PDLIM5: variants seen among roughly 807,000 people sequenced by gnomAD.
PDLIM5 encodes the protein PDZ and LIM domain protein 5.
In PDLIM5, 34 loss-of-function variants were observed where a neutral mutation model predicts 64.2. The ratio of observed to expected loss-of-function variants is 0.53; its 90% CI spans 0.40 to 0.71. The LOEUF (loss-of-function observed/expected upper bound fraction) is 0.71. PDLIM5 is among the 30% of genes least tolerant of loss of function. The pLI is 0.00. For synonymous variants in PDLIM5, 253 were observed against 269.1 expected, an observed-to-expected ratio of 0.94 and a Z score of 0.59; for missense variants, 683 against 733.6, an observed-to-expected ratio of 0.93 and a Z score of 0.80.
chr4:94,475,091 T>G (rs1311061020), intron 2 of PDLIM5, among the ~76,000 whole-genome samples: 1 of 152,172 alleles, frequency 6.6e-6, no homozygotes, highest in Non-Finnish European at 1.5e-5. Context: ...ACTGAAAAGT[T>G]TTATAATCAA....
At position 94,479,491 on chromosome 4, in the gene PDLIM5, C is replaced by A. The variant is rs144465747; in HGVS notation, c.96+24107C>A. ...TACAGGCAAGTGCCACCATGCCCGG[C>A]TGATTTTTATTTTTTTTTTTGTAGA... On this transcript the variant is annotated intron_variant, in intron 2 of 12. Transcript: ENST00000317968. Among the ~76,000 whole-genome samples, 1,101 of 151,332 alleles carry A rather than the reference C, an allele frequency of 7.3e-3. 8 individuals carry two copies. The highest frequency in any genetic ancestry group is 0.011 in the Non-Finnish European group (774 of 67,864).
intron 2 of PDLIM5, among the ~76,000 whole-genome samples, chr4:94,487,405 A>G (rs1382119234): frequency 1.3e-5 from 2 of 152,234 alleles, no homozygotes; most frequent in Non-Finnish European, 2.9e-5. Flanking sequence ...ATCAAGAATC[A>G]AATGATTCAA....
intron 7 of PDLIM5, chr4:94,610,221 C>T (rs1041705450): frequency 6.6e-7 from 1 of 1,518,826 alleles, no homozygotes; most frequent in Non-Finnish European, 8.8e-7. Context: ...ACTTTTCTAC[C>T]TTCTCTTCTC....
At chr4:94,501,173 A>G (rs1727885967) in intron 2 of PDLIM5, among the ~76,000 whole-genome samples, 1 of 151,776 alleles carries the variant, frequency 6.6e-6, no homozygotes, top group South Asian at 2.1e-4. Flanking sequence ...CCCAGGCTCA[A>G]GCGATCCTCC....
At chr4:94,530,846 C>A (rs1222870272) in intron 3 of PDLIM5, among the ~76,000 whole-genome samples, 1 of 152,156 alleles carries the variant, frequency 6.6e-6, no homozygotes, top group East Asian at 1.9e-4. Context: ...GAAGAAGTAG[C>A]TGTTGTACCA....
At chr4:94,607,158 G>C (rs918519519) in intron 7 of PDLIM5, among the ~76,000 whole-genome samples, 3 of 151,958 alleles carry the variant, frequency 2.0e-5, no homozygotes, top group Non-Finnish European at 4.4e-5. Context: ...GTAAAGGTAT[G>C]ACTAATGTGA....
intron 8 of PDLIM5, among the ~76,000 whole-genome samples, chr4:94,624,070 G>A (rs1303442261): frequency 6.6e-6 from 1 of 151,998 alleles, no homozygotes; most frequent in Non-Finnish European, 1.5e-5. Context: ...CAATAGTGTG[G>A]GAGTTAAGGC....
intron 2 of PDLIM5, among the ~76,000 whole-genome samples, chr4:94,518,450 A>G (rs1729552843): frequency 6.6e-6 from 1 of 152,176 alleles, no homozygotes; most frequent in Non-Finnish European, 1.5e-5. Context: ...GTGTAATTTT[A>G]TAAAGACACA....
intron 3 of PDLIM5, among the ~76,000 whole-genome samples, chr4:94,571,427 C>T (rs1289262276): frequency 2.6e-5 from 4 of 152,128 alleles, no homozygotes; most frequent in Non-Finnish European, 4.4e-5. Context: ...GGTATATCAC[C>T]GTCGTGGCTT....
chr4:94,540,132 CTT>C (rs10606217), intron 3 of PDLIM5, among the ~76,000 whole-genome samples: 40,948 of 140,346 alleles, frequency 0.29, 5,715 homozygotes, highest in East Asian at 0.4. Flanking sequence ...TACTATTCTT[CTT>C]TTTTTTTTTT....
At position 94,511,353 on chromosome 4, in the gene PDLIM5, G is replaced by A. The variant is rs139687433; in HGVS notation, c.97-12371G>A. Among the ~76,000 whole-genome samples, 788 of 152,156 alleles carry A rather than the reference G, an allele frequency of 5.2e-3. 12 individuals are homozygous for A. The highest frequency in any genetic ancestry group is 0.018 in the African/African-American group (748 of 41,500). ...TAATTTTTGTGGGTACATGGTAGGTGTATATATTTATCGGGTACCTGAGAT... is the reference window on the plus strand; with the variant it reads ...TAATTTTTGTGGGTACATGGTAGGTATATATATTTATCGGGTACCTGAGAT... On this transcript the variant is annotated intron_variant, in intron 2 of 12. Transcript: ENST00000317968.
At chr4:94,470,748 C>G (rs888419008) in intron 2 of PDLIM5, among the ~76,000 whole-genome samples, 1 of 152,128 alleles carries the variant, frequency 6.6e-6, no homozygotes, top group African/African-American at 2.4e-5. Context: ...GCTCTAGGTC[C>G]TCAGTAGTAG....
chr4:94,654,945 G>A (rs1742100470), intron 10 of PDLIM5, among the ~76,000 whole-genome samples: 1 of 152,072 alleles, frequency 6.6e-6, no homozygotes, highest in Admixed American at 6.5e-5. Context: ...TGTTTGCTCA[G>A]GAATGAAGAG....
At chr4:94,455,778 C>A in intron 2 of PDLIM5, 1 of 1,518,170 alleles carries the variant, frequency 6.6e-7, no homozygotes, top group Non-Finnish European at 8.8e-7. Flanking sequence ...AACTGTTGAT[C>A]AAAATTGAAT....
intron 2 of PDLIM5, among the ~76,000 whole-genome samples, chr4:94,474,060 G>C (rs1415472400): frequency 6.6e-6 from 1 of 152,066 alleles, no homozygotes; most frequent in Non-Finnish European, 1.5e-5. Flanking sequence ...GTATCTTTTG[G>C]GTAATCACCA....
At chr4:94,503,614 G>A (rs560662349) in intron 2 of PDLIM5, among the ~76,000 whole-genome samples, 1 of 151,844 alleles carries the variant, frequency 6.6e-6, no homozygotes, top group African/African-American at 2.4e-5. Context: ...GCCACCAGAA[G>A]GATTTCTTTC....
At chr4:94,644,863 A>G (rs1032212911) in intron 9 of PDLIM5, among the ~76,000 whole-genome samples, 5 of 152,152 alleles carry the variant, frequency 3.3e-5, no homozygotes, top group Non-Finnish European at 5.9e-5. Flanking sequence ...CTTTATTAGT[A>G]TTATTCTACT....
At chr4:94,571,217 T>G (rs2110271796) in intron 3 of PDLIM5, among the ~76,000 whole-genome samples, 1 of 152,366 alleles carries the variant, frequency 6.6e-6, no homozygotes. Context: ...ATTTTAGTTT[T>G]TAACATAGTC....
rs780940872 is a variant in PDLIM5, at chr4:94,570,399, G to T, written c.249-2952G>T. ...GTAAGATAGAGAAGATGCAAAGAGG[G>T]AGAAAAGGAGTGAGTGTGTGAGTGA... On this transcript the variant is annotated intron_variant, in intron 3 of 12. Transcript: ENST00000317968. Among the ~76,000 whole-genome samples, 62 of 152,164 alleles carry T rather than the reference G, an allele frequency of 4.1e-4. 1 individual carries two copies. Among genetic ancestry groups the T allele is most frequent in the Non-Finnish European group, 8.8e-5 (6 of 68,026 alleles).
Sources: gnomAD v4.1 joint callset for allele counts (sites outside exome capture counted in the v4.1 genomes callset) on GRCh38, gnomAD v4.1.1 for gene constraint, MANE v1.5 for transcripts, NCBI Gene and HGNC (gene_info 2026-07-23, HGNC 2026-07-21) for gene names.